ACTR8: variants seen among roughly 807,000 people sequenced by gnomAD.
ACTR8 encodes the protein actin-related protein 8.
A neutral mutation model predicts 84.3 loss-of-function variants in ACTR8; 70 were observed. That is an observed-to-expected ratio of 0.83 (90% CI 0.68 to 1.01). ACTR8 has a LOEUF of 1.01. ACTR8 is among the 50% of genes least tolerant of loss of function. The pLI is 0.00. For missense variants in ACTR8, 672 were observed against 775.4 expected (o/e 0.87, Z 1.58); for synonymous variants, 268 against 275.2 (o/e 0.97, Z 0.26).
chr3:53,864,781 C>A (rs1243533848), downstream of ACTR8: 1 of 1,613,350 alleles, frequency 6.2e-7, no homozygotes, highest in Admixed American at 1.7e-5. Flanking sequence ...TACCACCACA[C>A]TACTGCCCCC....
Position 53,882,021 on chromosome 3 carries a change from C to G in ACTR8, c.81G>C (p.Lys27Asn). 6.4e-7 allele frequency: 1 copy of G among 1,551,954 alleles called. No individual in the cohort carries two copies. The highest frequency in any genetic ancestry group is 8.7e-7 in the Non-Finnish European group (1 of 1,147,020). Residue 27 changes from lysine to asparagine, a missense_variant, in exon 1 of 13, where the codon AAG (lysine) becomes AAC (asparagine). Coordinates refer to ENST00000335754, the MANE Select transcript of ACTR8 (RefSeq NM_022899.5). ...GCACCAGCGCGGGCACGATGGGCCG[C>G]TTCACGCCGCGCTGCTCCTTCTCCT... ...GEKEKEQRGV[K>N]RPIVPALVPE...
intron 1 of ACTR8, 64 bp from the exon 2 acceptor site, chr3:53,880,173 C>A (rs1559795943): frequency 1.3e-6 from 2 of 1,495,254 alleles, no homozygotes; most frequent in African/African-American, 1.4e-5. Context: ...AGTTAAACAA[C>A]ATACACATAA....
rs1305413361 is a variant in ACTR8, at chr3:53,873,094, T to C, written c.1099A>G (p.Ile367Val). ...AGGGCAGGAGAATCAGGATGTCGAA[T>C]CTGAAACTCATGGTCCTGAAGCCCA... Reference protein sequence around the residue: ...ISGLQDHEFQIRHPDSPALLY... With the variant: ...ISGLQDHEFQVRHPDSPALLY... The change falls in exon 9 of 13, where the codon ATT becomes GTT. Residue 367 changes from isoleucine (I) to valine (V), a missense_variant. Transcript: ENST00000335754. 2 of 1,611,728 alleles carry C rather than the reference T, an allele frequency of 1.2e-6. No homozygotes were observed. The highest frequency in any genetic ancestry group is 1.1e-5 in the South Asian group (1 of 90,512).
chr3:53,871,793 T>G (rs1699887099), intron 10 of ACTR8, among the ~76,000 whole-genome samples: 1 of 152,234 alleles, frequency 6.6e-6, no homozygotes, highest in Non-Finnish European at 1.5e-5. Flanking sequence ...TTCTTCCCCG[T>G]GCCCTGAGTT....
chr3:53,864,678 G>C, downstream of ACTR8: 1 of 1,173,980 alleles, frequency 8.5e-7, no homozygotes, highest in Non-Finnish European at 1.2e-6. Flanking sequence ...ATTTGTCAGG[G>C]ATGGTTTACA....
downstream of ACTR8, chr3:53,864,842 TTTG>T: frequency 6.2e-7 from 1 of 1,614,146 alleles, no homozygotes; most frequent in Non-Finnish European, 8.5e-7. Flanking sequence ...CATCACACAA[TTTG>T]TTACTTCACT....
intron 7 of ACTR8, among the ~76,000 whole-genome samples, chr3:53,874,962 T>C (rs1209605790): frequency 6.6e-6 from 1 of 152,214 alleles, no homozygotes; most frequent in East Asian, 1.9e-4. Flanking sequence ...CAATATGTGT[T>C]TATCATATGA....
downstream of ACTR8, among the ~76,000 whole-genome samples, chr3:53,866,748 A>T (rs975442275): frequency 1.3e-5 from 2 of 152,152 alleles, no homozygotes; most frequent in Non-Finnish European, 2.9e-5. Flanking sequence ...CTCAAAGTGC[A>T]GGGATTACAG....
chr3:53,879,148 A>T (rs1700022537), intron 2 of ACTR8, among the ~76,000 whole-genome samples: 1 of 152,208 alleles, frequency 6.6e-6, no homozygotes, highest in Admixed American at 6.5e-5. Flanking sequence ...TCTTTACAGA[A>T]ATGTTTTCTT....
intron 1 of ACTR8, among the ~76,000 whole-genome samples, chr3:53,880,490 T>G (rs1218308291): frequency 6.6e-6 from 1 of 152,224 alleles, no homozygotes; most frequent in Non-Finnish European, 1.5e-5. Context: ...TTGCTCTGAA[T>G]GAAGCTCCTA....
rs772847580 is a variant in ACTR8, at chr3:53,880,031, G to C, written c.202C>G (p.Pro68Ala). 1.9e-6 allele frequency: 3 copies of C among 1,614,068 alleles called. No individual in the cohort carries two copies. Among genetic ancestry groups the C allele is most frequent in the East Asian group, 2.2e-5 (1 of 44,898 alleles). The change falls in exon 2 of 13, where the codon CCT (proline) becomes GCT (alanine). Residue 68 changes from proline to alanine, a missense_variant. By Grantham distance (27) the Pro-to-Ala change is conservative. Transcript: ENST00000335754. ...LRIGRATDTL[P>A]ASIPHVIARR... ...GCAATGACGTGAGGAATGCTGGCAG[G>C]AAGAGTGTCTGTGGCTCGACCAATC...
the ACTR8 span, chr3:53,860,325 G>A: frequency 1.2e-5 from 11 of 906,916 alleles, no homozygotes; most frequent in Non-Finnish European, 1.4e-5. Flanking sequence ...ACATGTTGGC[G>A]TTTCCCAGAG....
chr3:53,873,941 C>T (rs1699928166), intron 8 of ACTR8, among the ~76,000 whole-genome samples: 1 of 152,196 alleles, frequency 6.6e-6, no homozygotes, highest in Non-Finnish European at 1.5e-5. Context: ...TCTCCCGCCT[C>T]AGCCTCCCGA....
downstream of ACTR8, chr3:53,865,226 G>A: frequency 6.2e-7 from 1 of 1,613,730 alleles, no homozygotes; most frequent in Non-Finnish European, 8.5e-7. Context: ...ACTGCTTTCT[G>A]TGCAGAACTT....
At chr3:53,879,695 A>C (rs1700029682) in intron 2 of ACTR8, among the ~76,000 whole-genome samples, 1 of 152,178 alleles carries the variant, frequency 6.6e-6, no homozygotes, top group Admixed American at 6.5e-5. Context: ...GTGAGTGATG[A>C]TTTTGTGTCT....
At chr3:53,860,210 T>C in the ACTR8 span, 1 of 1,613,346 alleles carries the variant, frequency 6.2e-7, no homozygotes, top group Admixed American at 1.7e-5. Flanking sequence ...GGCAGGGATC[T>C]ATCTAATGTG....
intron 12 of ACTR8, among the ~76,000 whole-genome samples, chr3:53,869,108 C>T (rs562386232): frequency 7.2e-5 from 11 of 152,240 alleles, no homozygotes; most frequent in African/African-American, 2.6e-4. Flanking sequence ...GGTGGAATGC[C>T]GCCTCTACTA....
intron 6 of ACTR8, 102 bp downstream of exon 6, chr3:53,876,518 C>CAAAT (rs1024282031): frequency 8.0e-5 from 59 of 739,188 alleles, no homozygotes; most frequent in African/African-American, 1.7e-4. Flanking sequence ...GACTCTGTCT[C>CAAAT]AAATAAATAA....
At chr3:53,874,170 C>T in intron 8 of ACTR8, 41 bp downstream of exon 8, 1 of 1,571,696 alleles carries the variant, frequency 6.4e-7, no homozygotes, top group Non-Finnish European at 8.6e-7. Flanking sequence ...TAAATTTTTC[C>T]TAGAAACAAA....
Sources: allele counts gnomAD v4.1 joint callset (sites outside exome capture counted in the v4.1 genomes callset), GRCh38; gene constraint gnomAD v4.1.1; transcripts MANE v1.5; gene names NCBI Gene and HGNC (gene_info 2026-07-23, HGNC 2026-07-21).